The following DOK6 variants were observed in gnomAD, a reference collection of about 807,000 sequenced individuals.
DOK6 encodes the protein downstream of tyrosine kinase 6.
In DOK6, 22 loss-of-function variants were observed where a neutral mutation model predicts 44.0. That is an observed-to-expected ratio of 0.50 (90% CI 0.36 to 0.71). The LOEUF (loss-of-function observed/expected upper bound fraction) is 0.71, where lower values mean the gene tolerates loss of function less well. Among genes scored for constraint, DOK6 ranks in the 30% least tolerant of loss-of-function variants. The pLI is 0.00. For synonymous variants in DOK6, 166 were observed against 145.5 expected, an observed-to-expected ratio of 1.14 and a Z score of -1.01; for missense variants, 340 against 416.4, an observed-to-expected ratio of 0.82 and a Z score of 1.60.
In DOK6 at chr18:69,534,786, A is replaced by G. The variant is rs144314104; in HGVS notation, c.67-29701A>G. On this transcript the variant is annotated intron_variant, in intron 1 of 7. Coordinates refer to ENST00000382713, the MANE Select transcript of DOK6 (RefSeq NM_152721.6). ...CAATACTTTTATTATAAGTCTTCAT[A>G]CCATAGGCAAAACTTCCTCATTCTT... Among the ~76,000 whole-genome samples the G allele has an allele frequency of 7.2e-5, 11 of 152,218 alleles. No individual in the cohort carries two copies. In the East Asian group the frequency reaches 1.4e-3, roughly 19 times the overall value.
chr18:69,698,978 G>GT (rs916379454), intron 5 of DOK6, among the ~76,000 whole-genome samples: 101 of 152,176 alleles, frequency 6.6e-4, no homozygotes, highest in African/African-American at 2.2e-3. Context: ...TTTTGTGAGT[G>GT]TTTTTTAATA....
At chr18:69,645,128 A>T (rs1352047505) in intron 3 of DOK6, among the ~76,000 whole-genome samples, 1 of 152,198 alleles carries the variant, frequency 6.6e-6, no homozygotes, top group East Asian at 1.9e-4. Context: ...CAGGAATTTA[A>T]TATGATACAA....
At chr18:69,733,503 A>G (rs1168425565) in intron 5 of DOK6, among the ~76,000 whole-genome samples, 3 of 152,208 alleles carry the variant, frequency 2.0e-5, no homozygotes, top group African/African-American at 4.8e-5. Flanking sequence ...TAACATATGC[A>G]TCACCTCACA....
At chr18:69,721,245 C>T (rs1978288338) in intron 5 of DOK6, 1 of 152,168 alleles carries the variant, frequency 6.6e-6, no homozygotes, top group South Asian at 2.1e-4. Context: ...CATATGTGTT[C>T]CTGGCACATA....
At chr18:69,741,248 T>C (rs1460714802) in intron 6 of DOK6, among the ~76,000 whole-genome samples, 1 of 152,210 alleles carries the variant, frequency 6.6e-6, no homozygotes, top group African/African-American at 2.4e-5. Flanking sequence ...GGCCCATACA[T>C]GTCAATAGAG....
At chr18:69,717,922 C>A (rs754238423) in intron 5 of DOK6, among the ~76,000 whole-genome samples, 2 of 152,008 alleles carry the variant, frequency 1.3e-5, no homozygotes, top group Non-Finnish European at 2.9e-5. Context: ...GGCATCGAGG[C>A]CTTAGATGTC....
intron 3 of DOK6, among the ~76,000 whole-genome samples, chr18:69,652,612 G>A (rs915066283): frequency 6.6e-6 from 1 of 152,150 alleles, no homozygotes; most frequent in Non-Finnish European, 1.5e-5. Context: ...AGCTGATTTT[G>A]TGGCTCTTTG....
At chr18:69,535,497 T>C (rs1171109132) in intron 1 of DOK6, among the ~76,000 whole-genome samples, 1 of 151,944 alleles carries the variant, frequency 6.6e-6, no homozygotes, top group Non-Finnish European at 1.5e-5. Context: ...TTAAAAAACC[T>C]TTTCAACCCC....
intron 7 of DOK6, among the ~76,000 whole-genome samples, chr18:69,778,359 A>G (rs1415474069): frequency 2.7e-5 from 4 of 150,416 alleles, no homozygotes; most frequent in Non-Finnish European, 5.9e-5. Context: ...ATATTTGAGG[A>G]AAGTATGAAA....
At chr18:69,409,461 A>G (rs1978297565) in intron 1 of DOK6, among the ~76,000 whole-genome samples, 1 of 152,216 alleles carries the variant, frequency 6.6e-6, no homozygotes, top group Non-Finnish European at 1.5e-5. Context: ...ATACATATAT[A>G]ATGTGCTATA....
intron 7 of DOK6, among the ~76,000 whole-genome samples, chr18:69,822,643 C>A (rs7227045): frequency 0.96 from 146,237 of 152,212 alleles, 70,531 homozygotes; most frequent in East Asian, 1. Context: ...AAGACCTTTG[C>A]AGGCGTATGT....
chr18:69,721,810 G>T (rs1018736896), intron 5 of DOK6, among the ~76,000 whole-genome samples: 1 of 152,094 alleles, frequency 6.6e-6, no homozygotes, highest in Non-Finnish European at 1.5e-5. Flanking sequence ...AGTTACAAAA[G>T]ACAACCTAAA....
At chr18:69,696,450 G>A (rs1986391332) in intron 4 of DOK6, among the ~76,000 whole-genome samples, 1 of 152,168 alleles carries the variant, frequency 6.6e-6, no homozygotes, top group Non-Finnish European at 1.5e-5. Context: ...TATTTTGGAA[G>A]AAATGTTATT....
chr18:69,669,852 C>G (rs4337392), intron 3 of DOK6, among the ~76,000 whole-genome samples: 118,559 of 152,106 alleles, frequency 0.78, 46,525 homozygotes, highest in East Asian at 0.97. Context: ...TGCTTTCATA[C>G]ATCACATCCC....
At chr18:69,624,507 T>C (rs1984512599) in intron 3 of DOK6, among the ~76,000 whole-genome samples, 1 of 152,130 alleles carries the variant, frequency 6.6e-6, no homozygotes, top group Non-Finnish European at 1.5e-5. Flanking sequence ...CTAAAAATTG[T>C]TTAGTGGCAT....
chr18:69,454,803 G>C (rs199930644), intron 1 of DOK6, among the ~76,000 whole-genome samples: 1 of 145,572 alleles, frequency 6.9e-6, no homozygotes, highest in African/African-American at 2.5e-5. Flanking sequence ...GTAAACTGTC[G>C]CAAGAACAAA....
intron 2 of DOK6, among the ~76,000 whole-genome samples, chr18:69,596,707 T>G (rs1241600736): frequency 6.6e-6 from 1 of 152,196 alleles, no homozygotes; most frequent in Non-Finnish European, 1.5e-5. Flanking sequence ...CAAGAAATAG[T>G]AAGTGATCCC....
intron 7 of DOK6, among the ~76,000 whole-genome samples, chr18:69,786,580 G>T (rs964437448): frequency 1.3e-5 from 2 of 152,154 alleles, no homozygotes; most frequent in Non-Finnish European, 2.9e-5. Context: ...CTTGCACAAT[G>T]AAGTGTTATT....
intron 1 of DOK6, among the ~76,000 whole-genome samples, chr18:69,417,746 G>A (rs1046234639): frequency 3.3e-5 from 5 of 151,990 alleles, no homozygotes; most frequent in African/African-American, 1.2e-4. Flanking sequence ...CTTAATAGTA[G>A]CCATTCTAAT....
Sources: gnomAD v4.1 joint callset for allele counts (sites outside exome capture counted in the v4.1 genomes callset) on GRCh38, gnomAD v4.1.1 for gene constraint, MANE v1.5 for transcripts, NCBI Gene and HGNC (gene_info 2026-07-23, HGNC 2026-07-21) for gene names.